Variants in SLC6A11 observed in about 807,000 individuals in gnomAD.
The protein encoded by SLC6A11 is solute carrier family 6 member 11, also known as sodium- and chloride-dependent GABA transporter 3.
In SLC6A11, 25 loss-of-function variants were observed where a neutral mutation model predicts 74.8. The ratio of observed to expected loss-of-function variants is 0.33; its 90% CI spans 0.24 to 0.47. SLC6A11 has a LOEUF of 0.47. Ranked by LOEUF, SLC6A11 falls within the 20% of genes least tolerant of loss-of-function variation. SLC6A11 has a pLI of 1.00. For synonymous variants in SLC6A11, 330 were observed against 330.2 expected, an observed-to-expected ratio of 1.00 and a Z score of 0.01; for missense variants, 574 against 837.0, an observed-to-expected ratio of 0.69 and a Z score of 3.88.
At chr3:10,911,231 C>T (rs1183059128) in intron 6 of SLC6A11, among the ~76,000 whole-genome samples, 2 of 152,282 alleles carry the variant, frequency 1.3e-5, no homozygotes, top group Admixed American at 1.3e-4. Context: ...TAGTGCCAGC[C>T]CTGTTCTCCA....
chr3:10,894,927 TA>T (rs1402825178), intron 6 of SLC6A11, among the ~76,000 whole-genome samples: 3 of 152,336 alleles, frequency 2.0e-5, no homozygotes, highest in South Asian at 2.1e-4. Context: ...AATTAAAAGT[TA>T]AAAAATAAAA....
intron 5 of SLC6A11, among the ~76,000 whole-genome samples, chr3:10,856,063 C>G (rs1284681421): frequency 2.0e-5 from 3 of 152,162 alleles, no homozygotes; most frequent in Non-Finnish European, 2.9e-5. Flanking sequence ...GTGCTAGGAC[C>G]CATTTGATTG....
intron 8 of SLC6A11, among the ~76,000 whole-genome samples, chr3:10,924,239 G>T (rs1179019863): frequency 6.6e-6 from 1 of 152,180 alleles, no homozygotes; most frequent in Non-Finnish European, 1.5e-5. Flanking sequence ...TATTGAAAGT[G>T]TTCCCCTAAA....
Position 10,816,657 on chromosome 3 carries a change from C to A in SLC6A11, c.256+136C>A. 4.3e-6 allele frequency: 4 copies of A among 927,840 alleles called. No individual in the cohort carries two copies. The highest frequency in any genetic ancestry group is 3.2e-5 in the East Asian group (1 of 30,936). 57.5% of individuals were successfully genotyped at this position (927,840 alleles called of 1,614,324 possible). A position where few individuals can be genotyped will look rare whatever the true frequency, so the allele number is the denominator to read the frequency against. ...CGGAGAACCTCGACTCCAGGCACCT[C>A]GCGTGTGAGCTCGCCCCGGAGCGCG... On this transcript the variant is annotated intron_variant, in intron 1 of 13. Coordinates refer to ENST00000254488, the MANE Select transcript of SLC6A11 (RefSeq NM_014229.3). The surrounding 1 kb of genome is among the most constrained non-coding windows in gnomAD (Gnocchi z 4.2).
chr3:10,912,198 G>C lies in SLC6A11; in HGVS notation c.995+5G>C. On this transcript the variant is annotated splice_donor_5th_base_variant and intron_variant, in intron 7 of 13. Transcript: ENST00000254488. ...TTATAACAACAACTGCTACAGGTGA[G>C]CATTTCCCTGGGCCCTGCCAGCTCT... is the stretch of plus-strand genomic sequence containing the variant. 6.3e-7 allele frequency: 1 copy of C among 1,586,062 alleles called. No individual in the cohort carries two copies. Among genetic ancestry groups the C allele is most frequent in the South Asian group, 1.1e-5 (1 of 90,530 alleles).
intron 4 of SLC6A11, among the ~76,000 whole-genome samples, chr3:10,841,234 G>T (rs1376851238): frequency 6.6e-6 from 1 of 152,196 alleles, no homozygotes; most frequent in Non-Finnish European, 1.5e-5. Flanking sequence ...TGGCCAGGGT[G>T]TTGGCAGCAA....
At chr3:10,906,646 G>T (rs3821764) in intron 6 of SLC6A11, among the ~76,000 whole-genome samples, 8,758 of 152,222 alleles carry the variant, frequency 0.058, 301 homozygotes, top group East Asian at 0.085. Flanking sequence ...TTTGGGCAGA[G>T]GTCTGGGCCC....
chr3:10,888,304 C>T (rs1044808855), intron 6 of SLC6A11, among the ~76,000 whole-genome samples: 2 of 152,092 alleles, frequency 1.3e-5, no homozygotes, highest in African/African-American at 4.8e-5. Flanking sequence ...AAAGGGCAAG[C>T]GAATAGAATG....
At chr3:10,841,818 CGTGT>C (rs371709858) in intron 4 of SLC6A11, among the ~76,000 whole-genome samples, 93 of 151,858 alleles carry the variant, frequency 6.1e-4, no homozygotes, top group Middle Eastern at 6.8e-3. Context: ...TGTGTGTGTG[CGTGT>C]GTGTGTGTAT....
intron 4 of SLC6A11, among the ~76,000 whole-genome samples, chr3:10,837,353 G>A (rs1024992175): frequency 4.6e-5 from 7 of 152,200 alleles, no homozygotes; most frequent in Middle Eastern, 3.4e-3. Context: ...GGCCTATGTC[G>A]GTCCCTGATT....
intron 4 of SLC6A11, among the ~76,000 whole-genome samples, chr3:10,838,259 G>A (rs1040338443): frequency 6.6e-6 from 1 of 152,226 alleles, no homozygotes. Flanking sequence ...GCTTCAGGTG[G>A]GAGACTGTTT....
intron 6 of SLC6A11, among the ~76,000 whole-genome samples, chr3:10,880,233 G>A (rs1033813861): frequency 6.6e-6 from 1 of 152,172 alleles, no homozygotes; most frequent in African/African-American, 2.4e-5. Context: ...TTTCCATCTT[G>A]TATCTCTTTG....
chr3:10,883,765 G>A (rs922988225), intron 6 of SLC6A11, among the ~76,000 whole-genome samples: 2 of 152,002 alleles, frequency 1.3e-5, no homozygotes, highest in African/African-American at 4.8e-5. Flanking sequence ...TCTGGCTGTT[G>A]GACTTTCAAA....
chr3:10,885,909 A>G (rs141305832), intron 6 of SLC6A11, among the ~76,000 whole-genome samples: 32 of 152,204 alleles, frequency 2.1e-4, no homozygotes, highest in African/African-American at 6.7e-4. Flanking sequence ...GAGCCTCCAC[A>G]TGGACTTCTG....
chr3:10,891,678 A>G (rs1006100684), intron 6 of SLC6A11, among the ~76,000 whole-genome samples: 3 of 152,226 alleles, frequency 2.0e-5, no homozygotes, highest in African/African-American at 4.8e-5. Context: ...GAGAGAGGAT[A>G]TGGCTCACCC....
chr3:10,845,157 G>C (rs889478577), intron 5 of SLC6A11, among the ~76,000 whole-genome samples: 2 of 152,180 alleles, frequency 1.3e-5, no homozygotes, highest in South Asian at 4.1e-4. Context: ...TTAGAAATCA[G>C]GAGATTTCAT....
chr3:10,895,773 GC>G (rs752056620), intron 6 of SLC6A11, among the ~76,000 whole-genome samples: 2 of 149,850 alleles, frequency 1.3e-5, no homozygotes, highest in South Asian at 4.3e-4. Context: ...TGGGCAGCTT[GC>G]GTGGCTTCTC....
chr3:10,933,262 C>T lies in SLC6A11; in HGVS notation c.1474+9C>T, dbSNP rs749066724. The T allele has an allele frequency of 2.0e-5, 32 of 1,600,174 alleles. No individual in the cohort carries two copies. The East Asian group carries it at 6.7e-4, about 33-fold the overall frequency. On this transcript the variant is annotated intron_variant, in intron 11 of 13. Coordinates refer to ENST00000254488, the MANE Select transcript of SLC6A11 (RefSeq NM_014229.3). ...CATCGGCTGGGTGTATGGTGAGTAG[C>T]AGCCAAGCCCGTCCACACCCCAGCT...
chr3:10,905,431 A>G (rs1008736909), intron 6 of SLC6A11, among the ~76,000 whole-genome samples: 1 of 152,246 alleles, frequency 6.6e-6, no homozygotes, highest in Non-Finnish European at 1.5e-5. Flanking sequence ...CATAAAGGAA[A>G]AACACTTAAT....
Sources: gnomAD v4.1 joint callset for allele counts (sites outside exome capture counted in the v4.1 genomes callset) on GRCh38, gnomAD v4.1.1 for gene constraint, Gnocchi (gnomAD v3.1) non-coding constraint, MANE v1.5 for transcripts, NCBI Gene and HGNC (gene_info 2026-07-23, HGNC 2026-07-21) for gene names.